Variants in STIM1 observed in about 807,000 individuals in gnomAD.
The protein encoded by STIM1 is stromal interaction molecule 1.
In STIM1, 25 loss-of-function variants were observed where a neutral mutation model predicts 74.7. The ratio of observed to expected loss-of-function variants is 0.33; its 90% confidence interval spans 0.24 to 0.47. STIM1 has a LOEUF of 0.47. STIM1 is among the 20% of genes least tolerant of loss of function. STIM1 has a pLI of 1.00. For missense variants in STIM1, 728 were observed against 920.8 expected (o/e 0.79, Z 2.71); for synonymous variants, 328 against 348.8 (o/e 0.94, Z 0.66).
chr11:4,068,188 T>C (rs2094380406), intron 5 of STIM1, among the ~76,000 whole-genome samples: 1 of 152,198 alleles, frequency 6.6e-6, no homozygotes, highest in South Asian at 2.1e-4. Flanking sequence ...AGTATTCTTA[T>C]TCATGACTTG....
At chr11:3,909,157 C>G (rs1017463464) in intron 1 of STIM1, among the ~76,000 whole-genome samples, 8 of 152,050 alleles carry the variant, frequency 5.3e-5, no homozygotes, top group African/African-American at 1.9e-4. Flanking sequence ...GTATGACTTT[C>G]TCTTTGGTAT....
intron 1 of STIM1, among the ~76,000 whole-genome samples, chr11:3,901,865 A>T (rs557080410): frequency 6.6e-6 from 1 of 152,246 alleles, no homozygotes; most frequent in South Asian, 2.1e-4. Context: ...GGCTCAGGTG[A>T]TCCTCCTGCC....
At chr11:4,083,545 A>G (rs762909859) in intron 10 of STIM1, 47 bp downstream of exon 10, 17 of 1,552,044 alleles carry the variant, frequency 1.1e-5, no homozygotes, top group Non-Finnish European at 1.2e-5. Context: ...TTTGATGTAC[A>G]GGTTGAGAAG....
chr11:3,861,512 C>T (rs957094624), intron 1 of STIM1, among the ~76,000 whole-genome samples: 3 of 152,108 alleles, frequency 2.0e-5, no homozygotes, highest in Middle Eastern at 3.2e-3. Flanking sequence ...GGATTACAGG[C>T]GTGAGCCACC....
At chr11:3,876,815 C>A (rs2091320610) in intron 1 of STIM1, among the ~76,000 whole-genome samples, 1 of 152,142 alleles carries the variant, frequency 6.6e-6, no homozygotes, top group Non-Finnish European at 1.5e-5. Flanking sequence ...AGAATGAAAA[C>A]CCCATAAAGA....
chr11:3,872,409 A>G (rs951379144), intron 1 of STIM1, among the ~76,000 whole-genome samples: 1 of 152,126 alleles, frequency 6.6e-6, no homozygotes, highest in African/African-American at 2.4e-5. Flanking sequence ...GCATTACACC[A>G]GTTGGAAGGG....
intron 2 of STIM1, among the ~76,000 whole-genome samples, chr11:4,014,843 G>A (rs565405623): frequency 6.6e-6 from 1 of 152,278 alleles, no homozygotes; most frequent in East Asian, 1.9e-4. Context: ...TTGGTTTAAA[G>A]TCTGTTTTAT....
intron 2 of STIM1, among the ~76,000 whole-genome samples, chr11:3,972,376 T>C (rs1046125095): frequency 1.3e-5 from 2 of 152,238 alleles, no homozygotes; most frequent in African/African-American, 4.8e-5. Context: ...ATTACCCCAG[T>C]ACCTAGATTC....
Position 3,991,975 on chromosome 11 carries a change from A to G in STIM1, c.270+24293A>G, listed in dbSNP as rs867239918. ...CAAAAAAAAAAAAAAAAAAAAAAGAAAAAAAAAAAAAATCTCCAAACTGCT... is the reference window on the plus strand; with the variant it reads ...CAAAAAAAAAAAAAAAAAAAAAAGAGAAAAAAAAAAAATCTCCAAACTGCT... On this transcript the variant is annotated intron_variant, in intron 2 of 12. Coordinates refer to ENST00000526596, the MANE Select transcript of STIM1 (RefSeq NM_001382567.1). Among the ~76,000 whole-genome samples, 46 of 19,852 alleles carry G rather than the reference A, an allele frequency of 2.3e-3. No homozygotes were observed. In the South Asian group the frequency reaches 0.051, roughly 22 times the overall value. 13.0% of individuals were successfully genotyped at this position (19,852 alleles called of 152,430 possible).
rs2093208489 is a variant in STIM1, at chr11:3,956,042, A to C, written c.140-11510A>C. ...TTATAGAAAAAAAAAAAAAAGCAGGAGTTACTGGAGATGAAATCAGAAAGA... is the reference window on the plus strand; with the variant it reads ...TTATAGAAAAAAAAAAAAAAGCAGGCGTTACTGGAGATGAAATCAGAAAGA... On this transcript the variant is annotated intron_variant, in intron 1 of 12. Transcript: ENST00000526596. Among the ~76,000 whole-genome samples the C allele has an allele frequency of 2.7e-5, 4 of 150,618 alleles. No homozygotes were observed. The South Asian group carries it at 8.4e-4, about 31-fold the overall frequency.
rs187409641 is a variant in STIM1 at position 3,919,404 on chromosome 11, C to T, written c.140-48148C>T. The stretch of plus-strand genomic sequence containing the variant: ...ATTTTTAGTAGAGACGGGGTTTCAC[C>T]ATCTTGGCCAGGCTGGTCTCGAACT... On this transcript the variant is annotated intron_variant, in intron 1 of 12. Transcript: ENST00000526596. Among the ~76,000 whole-genome samples, 1,437 of 152,116 alleles carry T rather than the reference C, an allele frequency of 9.4e-3. 26 individuals carry two copies. The highest frequency in any genetic ancestry group is 0.033 in the African/African-American group (1,359 of 41,476).
rs746976917 is a variant in STIM1, at chr11:4,023,944, C to T, written c.342C>T (p.Leu114=). ...GCACCTTCCATGGTGAGGATAAGCT[C>T]ATCAGCGTGGAGGACCTGTGGAAGG... ...KHSTFHGEDK[L]ISVEDLWKAW... The change falls in exon 3 of 13, where the codon CTC becomes CTT. Residue 114 remains leucine, a synonymous_variant. Transcript: ENST00000526596. 6.2e-7 allele frequency: 1 copy of T among 1,614,052 alleles called. No homozygotes were observed. Among genetic ancestry groups the T allele is most frequent in the Admixed American group, 1.7e-5 (1 of 60,006 alleles).
At position 4,074,654 on chromosome 11, in the gene STIM1, A is replaced by G. The variant is rs759132787; in HGVS notation, c.944A>G (p.Lys315Arg). The G allele has an allele frequency of 1.3e-6, 2 of 1,571,652 alleles. No individual in the cohort carries two copies. The highest frequency in any genetic ancestry group is 1.9e-5 in the Admixed American group (1 of 53,024). The part of the protein sequence containing the change: ...EGTENERSRQ[K>R]YAEEELEQVR... ...ACTGAGAATGAGCGGAGCCGCCAAAAATATGCTGAGGAGGAGTTGGAGCAG... is the reference window on the plus strand; with the variant it reads ...ACTGAGAATGAGCGGAGCCGCCAAAGATATGCTGAGGAGGAGTTGGAGCAG... Residue 315 changes from lysine to arginine, a missense_variant, in exon 7 of 13, where the codon AAA becomes AGA. Lys to Arg is a conservative substitution (Grantham distance 26, BLOSUM62 2). This residue lies in a region of STIM1 where 131 missense variants were observed against 235.9 expected (regional missense o/e 0.56). Transcript: ENST00000526596.
Position 4,091,277 on chromosome 11 carries a change from T to C in STIM1, c.1635-5T>C, listed in dbSNP as rs1056147381. 6.2e-7 allele frequency: 1 copy of C among 1,614,052 alleles called. No homozygotes were observed. The highest frequency in any genetic ancestry group is 1.3e-5 in the African/African-American group (1 of 74,926). ...CTTTCTTCCTCTCTGCCCCATGTCT[T>C]GCAGGGATTTGACCCATTCCGATTC... On this transcript the variant is annotated splice_polypyrimidine_tract_variant and splice_region_variant and intron_variant, in intron 12 of 12. Transcript: ENST00000526596.
At chr11:3,960,089 G>C (rs914274288) in intron 1 of STIM1, among the ~76,000 whole-genome samples, 5 of 152,192 alleles carry the variant, frequency 3.3e-5, no homozygotes, top group Non-Finnish European at 7.3e-5. Context: ...CATTTCTGCT[G>C]CATGTAGAAG....
rs570709757 is a variant in STIM1 at position 4,015,564 on chromosome 11, G to C, written c.271-8309G>C. ...GAGGAGTATCTTTATGGTGTTCTGT[G>C]TATTTCCTGAATTTGAATGTTGGCC... On this transcript the variant is annotated intron_variant, in intron 2 of 12. Transcript: ENST00000526596. Among the ~76,000 whole-genome samples the C allele has an allele frequency of 1.7e-3, 264 of 152,258 alleles. 2 individuals carry two copies. The highest frequency in any genetic ancestry group is 3.4e-3 in the Middle Eastern group (1 of 294).
intron 1 of STIM1, among the ~76,000 whole-genome samples, chr11:3,958,936 A>C (rs1430649894): frequency 2.0e-5 from 3 of 148,730 alleles, no homozygotes; most frequent in Non-Finnish European, 3.0e-5. Context: ...GGGCGACAAG[A>C]GCAAAACTCT....
intron 2 of STIM1, among the ~76,000 whole-genome samples, chr11:3,977,125 T>C (rs752623340): frequency 5.3e-5 from 8 of 152,302 alleles, no homozygotes; most frequent in Non-Finnish European, 5.9e-5. Context: ...GTTTGTCTGA[T>C]GTATTTTGAG....
intron 1 of STIM1, among the ~76,000 whole-genome samples, chr11:3,883,517 C>A (rs903229073): frequency 6.6e-6 from 1 of 152,182 alleles, no homozygotes; most frequent in African/African-American, 2.4e-5. Flanking sequence ...CCACGCCCAG[C>A]TAATTTTGTA....
Sources: allele counts gnomAD v4.1 joint callset (sites outside exome capture counted in the v4.1 genomes callset), GRCh38; gene constraint gnomAD v4.1.1; regional missense constraint gnomAD v4.1.1; transcripts MANE v1.5; gene names NCBI Gene and HGNC (gene_info 2026-07-23, HGNC 2026-07-21).